The following MACROD2 variants were observed in gnomAD, a reference collection of about 807,000 sequenced individuals.
The protein encoded by MACROD2 is mono-ADP ribosylhydrolase 2, also known as ADP-ribose glycohydrolase MACROD2.
A neutral mutation model predicts 70.4 loss-of-function variants in MACROD2; 36 were observed. That is an observed-to-expected ratio of 0.51 (90% CI 0.39 to 0.68). The LOEUF (loss-of-function observed/expected upper bound fraction) is 0.68. Ranked by LOEUF, MACROD2 falls within the 30% of genes least tolerant of loss-of-function variation. MACROD2 has a pLI of 0.00. For missense variants in MACROD2, 496 were observed against 538.4 expected, an observed-to-expected ratio of 0.92 and a Z score of 0.78; for synonymous variants, 172 against 178.8, an observed-to-expected ratio of 0.96 and a Z score of 0.30.
intron 5 of MACROD2, among the ~76,000 whole-genome samples, chr20:14,853,624 C>CT (rs1337949302): frequency 6.6e-6 from 1 of 152,048 alleles, no homozygotes; most frequent in Non-Finnish European, 1.5e-5. Flanking sequence ...CAATACTTTT[C>CT]TTTTTTTCTC....
chr20:15,217,051 A>G (rs75620721), intron 5 of MACROD2, among the ~76,000 whole-genome samples: 6,843 of 152,252 alleles, frequency 0.045, 229 homozygotes, highest in Non-Finnish European at 0.069. Context: ...AGAATTACTC[A>G]AGAATATACA....
At chr20:16,037,930 T>C (rs1215015882) in intron 15 of MACROD2, among the ~76,000 whole-genome samples, 2 of 151,982 alleles carry the variant, frequency 1.3e-5, no homozygotes, top group African/African-American at 4.8e-5. Context: ...ACCTTTCACA[T>C]TTATTTCTTT....
intron 3 of MACROD2, among the ~76,000 whole-genome samples, chr20:14,134,801 CAAAAAAAAA>C (rs5840594): frequency 2.0e-5 from 2 of 98,338 alleles, no homozygotes; most frequent in South Asian, 4.0e-4. Context: ...GACTCCGTGT[CAAAAAAAAA>C]AAAAAAAAAA....
At chr20:15,406,582 C>A (rs2046004848) in intron 6 of MACROD2, among the ~76,000 whole-genome samples, 1 of 152,226 alleles carries the variant, frequency 6.6e-6, no homozygotes, top group South Asian at 2.1e-4. Flanking sequence ...ATGAAAAGTT[C>A]TGCTTAAAAT....
intron 3 of MACROD2, among the ~76,000 whole-genome samples, chr20:14,226,929 G>T (rs569610932): frequency 6.6e-6 from 1 of 152,370 alleles, no homozygotes; most frequent in African/African-American, 2.4e-5. Context: ...TCCACCTGCA[G>T]CCCCAGTGCA....
intron 8 of MACROD2, among the ~76,000 whole-genome samples, chr20:15,644,735 G>A (rs1237233256): frequency 6.6e-6 from 1 of 152,140 alleles, no homozygotes; most frequent in East Asian, 1.9e-4. Flanking sequence ...TGTTGCCTAG[G>A]CTGGAGTACA....
chr20:15,867,307 A>G (rs1202559772), intron 9 of MACROD2, among the ~76,000 whole-genome samples: 1 of 152,238 alleles, frequency 6.6e-6, no homozygotes, highest in East Asian at 1.9e-4. Context: ...AATTAAGCCC[A>G]TAAAATTGCC....
intron 8 of MACROD2, among the ~76,000 whole-genome samples, chr20:15,717,314 G>A (rs1207179022): frequency 4.6e-5 from 7 of 152,182 alleles, no homozygotes; most frequent in African/African-American, 1.7e-4. Flanking sequence ...TCTACAGCCT[G>A]GTAGAGTTCA....
rs529469619 is a variant in MACROD2, at chr20:15,053,320, T to C, written c.419-176620T>C. Among the ~76,000 whole-genome samples, 10 of 152,272 alleles carry C rather than the reference T, an allele frequency of 6.6e-5. No homozygotes were observed. The East Asian group carries it at 1.9e-3, about 29-fold the overall frequency. On this transcript the variant is annotated intron_variant, in intron 5 of 17. Transcript: ENST00000684519. ...GATGTTCATCACTAGAAAAGAGAAG[T>C]CATAGGTTGGCCTCAAAGCTTCAAA...
chr20:14,500,335 C>T (rs1279766995), intron 4 of MACROD2, among the ~76,000 whole-genome samples: 1 of 152,200 alleles, frequency 6.6e-6, no homozygotes, highest in African/African-American at 2.4e-5. Context: ...TGGTGGTCAT[C>T]GCCAGTGCGA....
In MACROD2 at chr20:16,035,136, T is replaced by TAATATAAAA. The variant is rs1186791062; in HGVS notation, c.1154-6065_1154-6064insAATATAAAA. Among the ~76,000 whole-genome samples, 353 of 77,062 alleles carry TAATATAAAA rather than the reference T, an allele frequency of 4.6e-3. 15 individuals are homozygous for TAATATAAAA. Among genetic ancestry groups the TAATATAAAA allele is most frequent in the African/African-American group, 9.9e-3 (238 of 23,968 alleles). 50.6% of individuals were successfully genotyped at this position (77,062 alleles called of 152,430 possible). ...AAAATATAATATAAAATATTATATA[T>TAATATAAAA]TATATATTATATATAAAATATAATA... On this transcript the variant is annotated intron_variant, in intron 15 of 17. Coordinates refer to ENST00000684519, the MANE Select transcript of MACROD2 (RefSeq NM_001351661.2).
Position 14,648,386 on chromosome 20 carries a change from T to C in MACROD2, c.302-36457T>C, listed in dbSNP as rs544349824. On this transcript the variant is annotated intron_variant, in intron 4 of 17. Coordinates refer to ENST00000684519, the MANE Select transcript of MACROD2 (RefSeq NM_001351661.2). ...ACTAACTGAAAGTACCCAGGTGACA[T>C]TGAACGTCCAGTTTATTTTCAATAT... Among the ~76,000 whole-genome samples the C allele has an allele frequency of 3.3e-5, 5 of 152,304 alleles. No homozygotes were observed. In the South Asian group the frequency reaches 6.2e-4, roughly 19 times the overall value.
rs1257908261 is a variant in MACROD2 at position 16,053,165 on chromosome 20, C to T, written c.*3289C>T. 1 of 92,622 alleles carries T rather than the reference C, an allele frequency of 1.1e-5. No individual in the cohort carries two copies. Among genetic ancestry groups the T allele is most frequent in the Non-Finnish European group, 2.7e-5 (1 of 37,186 alleles). The allele number at this position is 92,622 out of a possible 1,614,324, so 5.7% of individuals were successfully genotyped here. A position where few individuals can be genotyped will look rare whatever the true frequency, so the allele number is the denominator to read the frequency against. ...ATACTATATTTGTTAGAGCAGAATA[C>T]AAATAAAATTTGTTTGAGAGGATAA... On this transcript the variant is annotated 3_prime_UTR_variant, in exon 18 of 18. Coordinates refer to ENST00000684519, the MANE Select transcript of MACROD2 (RefSeq NM_001351661.2).
At chr20:14,400,550 C>A (rs2083627032) in intron 3 of MACROD2, among the ~76,000 whole-genome samples, 1 of 152,184 alleles carries the variant, frequency 6.6e-6, no homozygotes, top group Admixed American at 6.5e-5. Flanking sequence ...CTACAGCTGT[C>A]ATGGCATTTC....
At chr20:14,984,425 T>G (rs1194684562) in intron 5 of MACROD2, among the ~76,000 whole-genome samples, 1 of 152,184 alleles carries the variant, frequency 6.6e-6, no homozygotes, top group Non-Finnish European at 1.5e-5. Context: ...ATATCCGGAA[T>G]AGTCAGGATG....
At chr20:15,001,033 C>T (rs2074991232) in intron 5 of MACROD2, among the ~76,000 whole-genome samples, 2 of 152,138 alleles carry the variant, frequency 1.3e-5, no homozygotes, top group Admixed American at 1.3e-4. Flanking sequence ...AATGAGAAGA[C>T]ATGAATGGTC....
intron 8 of MACROD2, among the ~76,000 whole-genome samples, chr20:15,716,062 CTATTAAAT>C (rs1410235697): frequency 6.6e-6 from 1 of 152,074 alleles, no homozygotes; most frequent in Non-Finnish European, 1.5e-5. Flanking sequence ...GTAAATAAAA[CTATTAAAT>C]TATTTATCTT....
chr20:14,859,656 T>C (rs775164678), intron 5 of MACROD2, among the ~76,000 whole-genome samples: 8 of 152,204 alleles, frequency 5.3e-5, no homozygotes, highest in East Asian at 1.9e-4. Flanking sequence ...TATTCTGCTA[T>C]TGAGATTTTT....
chr20:14,882,662 A>C (rs1017077047), intron 5 of MACROD2, among the ~76,000 whole-genome samples: 3 of 152,222 alleles, frequency 2.0e-5, no homozygotes, highest in African/African-American at 4.8e-5. Flanking sequence ...CAGATGAATA[A>C]GATCATTCTA....
Sources: allele counts gnomAD v4.1 joint callset (sites outside exome capture counted in the v4.1 genomes callset), GRCh38; gene constraint gnomAD v4.1.1; transcripts MANE v1.5; gene names NCBI Gene and HGNC (gene_info 2026-07-23, HGNC 2026-07-21).